MIA2: variants seen among roughly 807,000 people sequenced by gnomAD.
MIA2 encodes the protein MIA SH3 domain ER export factor 2.
MIA2 carries 127 observed loss-of-function variants against 167.8 expected under a neutral mutation model. The ratio of observed to expected loss-of-function variants is 0.76; its 90% confidence interval spans 0.66 to 0.88. The LOEUF (loss-of-function observed/expected upper bound fraction) is 0.88, where lower values mean the gene tolerates loss of function less well. Among genes scored for constraint, MIA2 ranks in the 40% least tolerant of loss-of-function variants. The pLI, the probability that MIA2 is intolerant of heterozygous loss-of-function variation, is 0.00. For missense variants in MIA2, 1,690 were observed against 1,624.7 expected, an observed-to-expected ratio of 1.04 and a Z score of -0.69; for synonymous variants, 552 against 541.9, an observed-to-expected ratio of 1.02 and a Z score of -0.26.
At chr14:39,362,301 A>G (rs1255403632) in intron 23 of MIA2, among the ~76,000 whole-genome samples, 1 of 152,192 alleles carries the variant, frequency 6.6e-6, no homozygotes, top group African/African-American at 2.4e-5. Context: ...ATTTGGCAGT[A>G]AAGCTGTCTC....
intron 23 of MIA2, among the ~76,000 whole-genome samples, chr14:39,373,257 A>G (rs2074983128): frequency 6.6e-6 from 1 of 151,478 alleles, no homozygotes; most frequent in South Asian, 2.1e-4. Flanking sequence ...TGCTTTATCA[A>G]TGTAAATACA....
At chr14:39,385,659 A>G in intron 23 of MIA2, 1 of 935,744 alleles carries the variant, frequency 1.1e-6, no homozygotes, top group Non-Finnish European at 1.8e-6. Context: ...CTAAAAGCTT[A>G]AATGCAATCT....
intron 13 of MIA2, 77 bp from the exon 14 acceptor site, chr14:39,299,787 G>T: frequency 6.9e-7 from 1 of 1,451,570 alleles, no homozygotes; most frequent in Non-Finnish European, 9.1e-7. Context: ...TTTTTAAGTA[G>T]CTACATAATG....
chr14:39,295,536 A>G (rs1158715531), intron 13 of MIA2, among the ~76,000 whole-genome samples: 1 of 152,144 alleles, frequency 6.6e-6, no homozygotes, highest in Non-Finnish European at 1.5e-5. Flanking sequence ...TACTCACACC[A>G]GAGCCACATG....
chr14:39,374,347 A>T (rs1370941736), intron 23 of MIA2, among the ~76,000 whole-genome samples: 1 of 152,216 alleles, frequency 6.6e-6, no homozygotes, highest in Non-Finnish European at 1.5e-5. Context: ...AGCAGGACAA[A>T]TTACCTATAA....
intron 23 of MIA2, among the ~76,000 whole-genome samples, chr14:39,359,093 A>G (rs376902692): frequency 1.3e-5 from 2 of 152,298 alleles, no homozygotes; most frequent in East Asian, 3.9e-4. Flanking sequence ...AGACAGGGAC[A>G]TTTAAGTCTG....
intron 25 of MIA2, among the ~76,000 whole-genome samples, chr14:39,327,919 G>A (rs903424418): frequency 1.4e-4 from 22 of 152,130 alleles, no homozygotes; most frequent in East Asian, 3.8e-4. Flanking sequence ...GAACAGTGCC[G>A]CAATAAATAT....
intron 6 of MIA2, chr14:39,266,461 C>T (rs1488391007): frequency 1.0e-6 from 1 of 985,362 alleles, no homozygotes; most frequent in Admixed American, 6.2e-5. Context: ...TTTGATTTAG[C>T]ATTTGGGTAA....
chr14:39,383,990 C>T (rs1331499387), intron 23 of MIA2, among the ~76,000 whole-genome samples: 5 of 152,210 alleles, frequency 3.3e-5, no homozygotes, highest in African/African-American at 4.8e-5. Context: ...TTATCCAGAA[C>T]GTCTAGCTAA....
chr14:39,321,040 A>C lies in MIA2; in HGVS notation c.3480A>C (p.Pro1160=). ...CACTCAGACTCTCACCTTTGCTTCC[A>C]GGGGGAGGAGGAAGAGGTATATTGT... ...EGPLRLSPLL[P]GGGGRGSRGP... The change falls in exon 24 of 29, where the codon CCA becomes CCC. Residue 1160 remains proline, a synonymous_variant. Coordinates refer to ENST00000640607, the MANE Select transcript of MIA2 (RefSeq NM_001329214.4). 1 of 1,612,806 alleles carries C rather than the reference A, an allele frequency of 6.2e-7. No homozygotes were observed. Among genetic ancestry groups the C allele is most frequent in the Non-Finnish European group, 8.5e-7 (1 of 1,179,472 alleles).
At chr14:39,355,904 A>G (rs1001511072), downstream of MIA2, among the ~76,000 whole-genome samples, 3 of 152,168 alleles carry the variant, frequency 2.0e-5, no homozygotes, top group Admixed American at 6.5e-5. Context: ...GATGAAGCCT[A>G]TTTGATCATG....
At chr14:39,385,720 T>G in intron 23 of MIA2, 1 of 954,232 alleles carries the variant, frequency 1.0e-6, no homozygotes, top group Non-Finnish European at 1.7e-6. Flanking sequence ...ACTATAGTCC[T>G]TCTTACGTGT....
At chr14:39,275,773 A>G (rs2057916576) in intron 6 of MIA2, among the ~76,000 whole-genome samples, 2 of 152,120 alleles carry the variant, frequency 1.3e-5, no homozygotes, top group African/African-American at 2.4e-5. Flanking sequence ...ATTGCTTGTA[A>G]TGATATTAGA....
chr14:39,314,610 G>GTTT (rs55732496), intron 19 of MIA2, 129 bp from the exon 20 acceptor site: 19,724 of 189,580 alleles, frequency 0.1, 2,201 homozygotes, highest in African/African-American at 0.21. Context: ...GAGTTCTGGA[G>GTTT]TTTTTTTTTT....
At position 39,276,858 on chromosome 14, in the gene MIA2, A is replaced by G. The variant is rs1450801435; in HGVS notation, c.1888-76A>G. 42 of 1,532,236 alleles carry G rather than the reference A, an allele frequency of 2.7e-5. No homozygotes were observed. In the East Asian group the frequency reaches 9.3e-4, roughly 34 times the overall value. The allele number at this position is 1,532,236 out of a possible 1,614,324, so 94.9% of individuals were successfully genotyped here. A position where few individuals can be genotyped will look rare whatever the true frequency, so the allele number is the denominator to read the frequency against. ...CAGCCCATTTTGTGTTGACCACATA[A>G]ACTTGTACCTATGTTTGTAATCAAT... On this transcript the variant is annotated intron_variant, in intron 6 of 28. Coordinates refer to ENST00000640607, the MANE Select transcript of MIA2 (RefSeq NM_001329214.4).
At chr14:39,319,746 A>C (rs755882259) in intron 23 of MIA2, among the ~76,000 whole-genome samples, 1 of 151,892 alleles carries the variant, frequency 6.6e-6, no homozygotes, top group Non-Finnish European at 1.5e-5. Context: ...TGTGGGAAAA[A>C]CTCAGTCTGA....
chr14:39,263,558 T>TTTCC lies in MIA2; in HGVS notation c.1887+10389_1887+10390insCCTT, dbSNP rs1566614454. Among the ~76,000 whole-genome samples the TTTCC allele has an allele frequency of 1.8e-3, 264 of 147,042 alleles. 1 individual carries two copies. Among genetic ancestry groups the TTTCC allele is most frequent in the Non-Finnish European group, 2.4e-3 (163 of 67,452 alleles). On this transcript the variant is annotated intron_variant, in intron 6 of 28. Transcript: ENST00000640607. Reference sequence around the variant, plus strand: ...CATCTTTCTTTTCTTTTCTTTCTTCTTTTCCTTTCCTTTCCTTTCCTTTCC... The same window carrying TTTCC: ...CATCTTTCTTTTCTTTTCTTTCTTCTTTCCTTTCCTTTCCTTTCCTTTCCTTTCC...
intron 9 of MIA2, among the ~76,000 whole-genome samples, chr14:39,287,469 G>A (rs2059982765): frequency 6.6e-6 from 1 of 152,086 alleles, no homozygotes; most frequent in South Asian, 2.1e-4. Context: ...CCCCACTGAT[G>A]ATGATATTTG....
chr14:39,341,256 C>A (rs984044260), intron 25 of MIA2, among the ~76,000 whole-genome samples: 1 of 151,764 alleles, frequency 6.6e-6, no homozygotes, highest in African/African-American at 2.4e-5. Context: ...GAGCTGAGAC[C>A]GCACCGTTGC....
Sources: allele counts gnomAD v4.1 joint callset (sites outside exome capture counted in the v4.1 genomes callset), GRCh38; gene constraint gnomAD v4.1.1; transcripts MANE v1.5; gene names NCBI Gene and HGNC (gene_info 2026-07-23, HGNC 2026-07-21).